Variants in EPS15 observed in about 807,000 individuals in gnomAD.
The protein encoded by EPS15 is epidermal growth factor receptor pathway substrate 15.
In EPS15, 72 loss-of-function variants were observed where a neutral mutation model predicts 113.8. The ratio of observed to expected loss-of-function variants is 0.63; its 90% CI spans 0.52 to 0.77. The LOEUF (loss-of-function observed/expected upper bound fraction) is 0.77. Among genes scored for constraint, EPS15 ranks in the 30% least tolerant of loss-of-function variants. The pLI is 0.00. For synonymous variants in EPS15, 344 were observed against 363.4 expected, an observed-to-expected ratio of 0.95 and a Z score of 0.61; for missense variants, 1,048 against 1,045.8, an observed-to-expected ratio of 1.00 and a Z score of -0.03.
chr1:51,503,959 A>T (rs946002236), intron 1 of EPS15, among the ~76,000 whole-genome samples: 2 of 152,228 alleles, frequency 1.3e-5, no homozygotes, highest in Non-Finnish European at 2.9e-5. Flanking sequence ...CTTGAAATAG[A>T]TCAAGGACCT....
chr1:51,409,439 C>T (rs1649480882), intron 14 of EPS15, 96 bp downstream of exon 14: 2 of 1,198,246 alleles, frequency 1.7e-6, no homozygotes, highest in East Asian at 2.4e-5. Flanking sequence ...TGCCAACCAC[C>T]ACCATCAATA....
chr1:51,514,753 T>C (rs1644684355), intron 1 of EPS15, among the ~76,000 whole-genome samples: 1 of 152,214 alleles, frequency 6.6e-6, no homozygotes, highest in South Asian at 2.1e-4. Flanking sequence ...AACTTGTTCC[T>C]AATTAATTTT....
intron 21 of EPS15, among the ~76,000 whole-genome samples, chr1:51,388,284 C>T (rs1647148313): frequency 1.3e-5 from 2 of 152,152 alleles, no homozygotes; most frequent in Admixed American, 6.5e-5. Context: ...AGCACAAAGA[C>T]ACAACATACC....
At chr1:51,398,872 C>A (rs1270738000) in intron 20 of EPS15, among the ~76,000 whole-genome samples, 160 bp downstream of exon 20, 1 of 152,158 alleles carries the variant, frequency 6.6e-6, no homozygotes, top group Non-Finnish European at 1.5e-5. Flanking sequence ...AAATACCAGT[C>A]TGAACCAAAA....
chr1:51,479,591 T>A (rs1414033726), intron 2 of EPS15, among the ~76,000 whole-genome samples: 1 of 152,190 alleles, frequency 6.6e-6, no homozygotes, highest in African/African-American at 2.4e-5. Context: ...ATCAATAGTA[T>A]CTGATTCTCA....
intron 12 of EPS15, among the ~76,000 whole-genome samples, chr1:51,425,774 C>G (rs1228700826): frequency 6.6e-6 from 1 of 152,138 alleles, no homozygotes; most frequent in African/African-American, 2.4e-5. Context: ...ATGTTAATAT[C>G]TCTATCATCT....
intron 9 of EPS15, 33 bp downstream of exon 9, chr1:51,448,013 G>T: frequency 6.2e-7 from 1 of 1,606,070 alleles, no homozygotes; most frequent in Non-Finnish European, 8.5e-7. Flanking sequence ...ATGCTGAAGA[G>T]GGGATCAACC....
At chr1:51,458,853 G>T (rs1461662102) in intron 8 of EPS15, 2 of 182,808 alleles carry the variant, frequency 1.1e-5, no homozygotes, top group African/African-American at 2.4e-5. Context: ...TTATGTGTAG[G>T]GTTTGACGAT....
intron 13 of EPS15, among the ~76,000 whole-genome samples, chr1:51,413,170 A>G (rs1649898999): frequency 6.6e-6 from 1 of 152,142 alleles, no homozygotes; most frequent in Non-Finnish European, 1.5e-5. Flanking sequence ...TCTGTCTTCA[A>G]TGTCCTTCCA....
chr1:51,398,946 G>T, intron 20 of EPS15, 86 bp downstream of exon 20: 1 of 1,159,678 alleles, frequency 8.6e-7, no homozygotes, highest in Non-Finnish European at 1.2e-6. Context: ...CTAAATGAGG[G>T]TTCTTTCATC....
At chr1:51,377,529 C>G (rs976607184) in intron 21 of EPS15, among the ~76,000 whole-genome samples, 7 of 152,098 alleles carry the variant, frequency 4.6e-5, no homozygotes, top group Non-Finnish European at 8.8e-5. Context: ...AAAGTGATTT[C>G]TTGAGATAGA....
At chr1:51,480,376 T>A (rs1643997978) in intron 2 of EPS15, among the ~76,000 whole-genome samples, 1 of 152,224 alleles carries the variant, frequency 6.6e-6, no homozygotes, top group African/African-American at 2.4e-5. Flanking sequence ...TTCTTCTGTC[T>A]AGACTACTTT....
At chr1:51,497,411 A>C (rs1372936998) in intron 1 of EPS15, among the ~76,000 whole-genome samples, 2 of 152,224 alleles carry the variant, frequency 1.3e-5, no homozygotes, top group Non-Finnish European at 2.9e-5. Context: ...AGTCACAAAA[A>C]AGTTAATCAT....
At chr1:51,518,754 G>A (rs1278370028) in intron 1 of EPS15, among the ~76,000 whole-genome samples, 1 of 152,002 alleles carries the variant, frequency 6.6e-6, no homozygotes, top group Non-Finnish European at 1.5e-5. Context: ...CGCGCAGCCG[G>A]CCTGGCGGGC....
chr1:51,359,443 T>TAAAA (rs148380501), intron 24 of EPS15, among the ~76,000 whole-genome samples: 15 of 104,052 alleles, frequency 1.4e-4, no homozygotes, highest in African/African-American at 2.2e-4. Flanking sequence ...ACTCTGTCTT[T>TAAAA]AAAAAAAAAA....
At chr1:51,434,750 T>C (rs1261379542) in intron 12 of EPS15, among the ~76,000 whole-genome samples, 1 of 152,116 alleles carries the variant, frequency 6.6e-6, no homozygotes, top group African/African-American at 2.4e-5. Flanking sequence ...CGGCTCACCG[T>C]AACCTCCACC....
At chr1:51,518,383 C>G (rs1196825669) in intron 1 of EPS15, 1 of 152,522 alleles carries the variant, frequency 6.6e-6, no homozygotes, top group Non-Finnish European at 1.5e-5. Context: ...GAGGCCGTTC[C>G]TGGCACCAAG....
rs779688592 is a variant in EPS15, at chr1:51,409,603, C to T, written c.1207G>A (p.Glu403Lys). The T allele has an allele frequency of 1.5e-5, 24 of 1,613,938 alleles. No individual in the cohort carries two copies. The highest frequency in any genetic ancestry group is 1.1e-4 in the African/African-American group (8 of 74,922). The change falls in exon 14 of 25, where the codon GAG becomes AAG. Residue 403 changes from glutamate to lysine, a missense_variant. Physicochemically the swap from Glu to Lys is moderately conservative, Grantham distance 56. Transcript: ENST00000371733. ...QVQELLDELD[E>K]QKAQLEEQLK... ...TGCTCCTCCAGCTGGGCTTTCTGCT[C>T]ATCCAGTTCATCAAGGAGTTCCTGT... is the stretch of plus-strand genomic sequence containing the variant.
chr1:51,472,707 C>T, intron 3 of EPS15, 152 bp downstream of exon 3: 1 of 586,984 alleles, frequency 1.7e-6, no homozygotes, highest in Admixed American at 2.8e-5. Context: ...CACTACGCTA[C>T]AAATTCCCTT....
Sources: gnomAD v4.1 joint callset for allele counts (sites outside exome capture counted in the v4.1 genomes callset) on GRCh38, gnomAD v4.1.1 for gene constraint, MANE v1.5 for transcripts, NCBI Gene and HGNC (gene_info 2026-07-23, HGNC 2026-07-21) for gene names.